Variants in SLC39A11 observed in about 807,000 individuals in gnomAD.
The protein encoded by SLC39A11 is zinc transporter ZIP11.
Under a neutral mutation model 36.1 loss-of-function variants are expected in SLC39A11, and 33 were observed. That is an observed-to-expected ratio of 0.91 (90% confidence interval 0.69 to 1.22). SLC39A11 has a LOEUF of 1.22. SLC39A11 is among the 50% of genes most tolerant of loss of function. The pLI, the probability that SLC39A11 is intolerant of heterozygous loss-of-function variation, is 0.00. For missense variants in SLC39A11, 432 were observed against 430.3 expected (o/e 1.00, Z -0.03); for synonymous variants, 166 against 170.3 (o/e 0.97, Z 0.20).
chr17:73,057,041 C>T (rs999347840), intron 3 of SLC39A11, among the ~76,000 whole-genome samples: 6 of 152,146 alleles, frequency 3.9e-5, no homozygotes, highest in Non-Finnish European at 8.8e-5. Flanking sequence ...CTCACTGCAA[C>T]CTCTGCCTCC....
chr17:72,805,742 T>TTTTC (rs1416115869), intron 6 of SLC39A11, among the ~76,000 whole-genome samples: 4 of 151,064 alleles, frequency 2.6e-5, no homozygotes, highest in African/African-American at 9.9e-5. Context: ...TTTTTTTTCT[T>TTTTC]TTTCTTTTTC....
intron 6 of SLC39A11, among the ~76,000 whole-genome samples, chr17:72,831,965 G>C (rs2078304795): frequency 1.3e-5 from 2 of 152,168 alleles, no homozygotes; most frequent in African/African-American, 4.8e-5. Context: ...AGTAGTAATA[G>C]TAGTAGTAGG....
intron 5 of SLC39A11, among the ~76,000 whole-genome samples, chr17:72,866,170 C>CAG (rs1567849890): frequency 6.6e-6 from 1 of 152,196 alleles, no homozygotes; most frequent in Non-Finnish European, 1.5e-5. Context: ...TAAGCTCCAC[C>CAG]TCCCGTCAGA....
At chr17:73,043,235 G>A (rs1166747203) in intron 3 of SLC39A11, among the ~76,000 whole-genome samples, 2 of 152,198 alleles carry the variant, frequency 1.3e-5, no homozygotes, top group African/African-American at 4.8e-5. Flanking sequence ...AGAGTGGGCA[G>A]AGTCTGGAGG....
intron 5 of SLC39A11, among the ~76,000 whole-genome samples, chr17:72,893,439 G>A (rs1303868124): frequency 2.6e-5 from 4 of 151,332 alleles, no homozygotes; most frequent in East Asian, 1.9e-4. Context: ...CAGCCTGGGC[G>A]ACACAGCAAG....
At chr17:72,701,727 C>CAAAA (rs57220008) in intron 7 of SLC39A11, among the ~76,000 whole-genome samples, 52 of 88,800 alleles carry the variant, frequency 5.9e-4, no homozygotes, top group African/African-American at 1.1e-3. Flanking sequence ...GATTCTGTCT[C>CAAAA]AAAAAAAAAA....
At chr17:72,759,960 C>T (rs550990594) in intron 6 of SLC39A11, among the ~76,000 whole-genome samples, 61 of 152,236 alleles carry the variant, frequency 4.0e-4, no homozygotes, top group African/African-American at 1.3e-3. Flanking sequence ...ATGCAGATGT[C>T]CAAATGTCTT....
intron 6 of SLC39A11, among the ~76,000 whole-genome samples, chr17:72,776,491 T>C (rs2076135150): frequency 6.6e-6 from 1 of 152,070 alleles, no homozygotes; most frequent in African/African-American, 2.4e-5. Flanking sequence ...TATCAAAATG[T>C]TGAAATACAA....
At chr17:72,821,363 G>A (rs2077772346) in intron 6 of SLC39A11, among the ~76,000 whole-genome samples, 1 of 150,002 alleles carries the variant, frequency 6.7e-6, no homozygotes, top group Non-Finnish European at 1.5e-5. Flanking sequence ...AAAAATAGCT[G>A]GGCATGGTGA....
At position 72,853,046 on chromosome 17, in the gene SLC39A11, A is replaced by G. The variant is rs190036731; in HGVS notation, c.431-3242T>C. ...TGATTGATTGATTAAGCAGGGTCCC[A>G]CTCTGTTGCCCAGGCTAGAGTGCAG... On this transcript the variant is annotated intron_variant, in intron 5 of 9. Coordinates refer to ENST00000255559, the MANE Select transcript of SLC39A11 (RefSeq NM_139177.4). 4.4e-3 allele frequency among the ~76,000 whole-genome samples: 662 copies of G among 152,042 alleles called. 3 individuals carry two copies. Among genetic ancestry groups the G allele is most frequent in the African/African-American group, 0.015 (628 of 41,474 alleles).
intron 6 of SLC39A11, among the ~76,000 whole-genome samples, chr17:72,774,948 A>G (rs2076081708): frequency 6.6e-6 from 1 of 151,934 alleles, no homozygotes; most frequent in Non-Finnish European, 1.5e-5. Context: ...ATGCCTGTCT[A>G]ACTTTCAGGC....
At chr17:73,024,864 A>ATTTTTTTTTTT (rs1163840820) in intron 4 of SLC39A11, among the ~76,000 whole-genome samples, 3,688 of 97,228 alleles carry the variant, frequency 0.038, no homozygotes, top group East Asian at 0.052. Context: ...TGCCCAGCTA[A>ATTTTTTTTTTT]TTTTTTTTTT....
In SLC39A11 at chr17:72,945,158, G is replaced by C. The variant is rs2085359198; in HGVS notation, c.430+2594C>G. Among the ~76,000 whole-genome samples the C allele has an allele frequency of 2.0e-5, 3 of 152,242 alleles. No homozygotes were observed. The South Asian group carries it at 6.2e-4, about 32-fold the overall frequency. Reference sequence around the variant, plus strand: ...AGTCCCAAAATATCCCCAGCCTTGAGAATAGCTGATATCAGAAAACATTGC... The same window carrying C: ...AGTCCCAAAATATCCCCAGCCTTGACAATAGCTGATATCAGAAAACATTGC... On this transcript the variant is annotated intron_variant, in intron 5 of 9. Transcript: ENST00000255559.
chr17:72,913,124 T>C (rs1183045267), intron 5 of SLC39A11, among the ~76,000 whole-genome samples: 1 of 151,888 alleles, frequency 6.6e-6, no homozygotes, highest in Non-Finnish European at 1.5e-5. Context: ...TATATACTGG[T>C]GTAGACTAGA....
chr17:72,801,307 G>T (rs1347908985), intron 6 of SLC39A11, among the ~76,000 whole-genome samples: 1 of 152,080 alleles, frequency 6.6e-6, no homozygotes, highest in Non-Finnish European at 1.5e-5. Context: ...TGCAACCTCT[G>T]CCTCCTGGGT....
intron 4 of SLC39A11, among the ~76,000 whole-genome samples, chr17:72,988,402 A>G (rs1351220047): frequency 6.6e-6 from 1 of 152,230 alleles, no homozygotes; most frequent in Non-Finnish European, 1.5e-5. Flanking sequence ...CAGAGGCTGC[A>G]GTCAGACAAG....
chr17:72,977,267 T>C (rs2087922683), intron 4 of SLC39A11, among the ~76,000 whole-genome samples: 4 of 152,090 alleles, frequency 2.6e-5, no homozygotes, highest in Non-Finnish European at 4.4e-5. Context: ...AGAAAGGACA[T>C]GGGGCCTCAC....
At chr17:72,983,445 AG>A (rs1568067601) in intron 4 of SLC39A11, among the ~76,000 whole-genome samples, 3 of 152,186 alleles carry the variant, frequency 2.0e-5, no homozygotes, top group African/African-American at 7.2e-5. Context: ...CACTGTGCCC[AG>A]CCTGTTGTTG....
chr17:72,936,174 G>C (rs552837941), intron 5 of SLC39A11, among the ~76,000 whole-genome samples: 12 of 152,040 alleles, frequency 7.9e-5, no homozygotes, highest in Non-Finnish European at 1.6e-4. Context: ...TTCCAGCCTG[G>C]GCGACAGAGT....
Sources: allele counts gnomAD v4.1 joint callset (sites outside exome capture counted in the v4.1 genomes callset), GRCh38; gene constraint gnomAD v4.1.1; transcripts MANE v1.5; gene names NCBI Gene and HGNC (gene_info 2026-07-23, HGNC 2026-07-21).